Variants in KCNMA1 observed in about 807,000 individuals in gnomAD.
The protein encoded by KCNMA1 is potassium calcium-activated channel subfamily M alpha 1, also known as Calcium-activated potassium channel subunit alpha-1.
In KCNMA1, 29 loss-of-function variants were observed where a neutral mutation model predicts 140.0. The ratio of observed to expected loss-of-function variants is 0.21; its 90% CI spans 0.15 to 0.28. KCNMA1 has a LOEUF of 0.28. KCNMA1 is among the 10% of genes least tolerant of loss of function. The pLI, the probability that KCNMA1 is intolerant of heterozygous loss-of-function variation, is 1.00. For missense variants in KCNMA1, 880 were observed against 1,602.2 expected, an observed-to-expected ratio of 0.55 and a Z score of 7.70; for synonymous variants, 612 against 611.9, an observed-to-expected ratio of 1.00 and a Z score of 0.00.
intron 1 of KCNMA1, among the ~76,000 whole-genome samples, chr10:77,414,817 A>G (rs1214120852): frequency 6.6e-6 from 1 of 152,178 alleles, no homozygotes; most frequent in African/African-American, 2.4e-5. Context: ...TGAGGCTCAG[A>G]GAGATTGGGT....
chr10:77,185,849 A>T (rs1317198321), intron 3 of KCNMA1, among the ~76,000 whole-genome samples: 2 of 152,144 alleles, frequency 1.3e-5, no homozygotes, highest in Non-Finnish European at 2.9e-5. Context: ...ATGGAAATTC[A>T]CATAGTATTC....
At chr10:77,081,464 G>A (rs565516299) in intron 12 of KCNMA1, among the ~76,000 whole-genome samples, 8 of 152,248 alleles carry the variant, frequency 5.3e-5, no homozygotes, top group African/African-American at 1.7e-4. Context: ...CACCTCCTAA[G>A]CCTAATCAGA....
At chr10:77,352,616 T>C (rs1241832647) in intron 2 of KCNMA1, among the ~76,000 whole-genome samples, 4 of 141,828 alleles carry the variant, frequency 2.8e-5, no homozygotes, top group African/African-American at 1.1e-4. Flanking sequence ...GATCTTGCAG[T>C]ACAGGGTGTG....
chr10:76,946,261 G>C (rs965672796), intron 22 of KCNMA1, among the ~76,000 whole-genome samples: 1 of 152,130 alleles, frequency 6.6e-6, no homozygotes, highest in African/African-American at 2.4e-5. Context: ...TGGCCACGCG[G>C]CATCATTTTG....
intron 6 of KCNMA1, among the ~76,000 whole-genome samples, chr10:77,117,544 A>C (rs1406427266): frequency 6.8e-6 from 1 of 148,034 alleles, no homozygotes; most frequent in Non-Finnish European, 1.5e-5. Context: ...TATCTCAAAA[A>C]AAAAAAAAAA....
chr10:77,243,428 G>T (rs1018970840), intron 3 of KCNMA1, among the ~76,000 whole-genome samples: 2 of 152,208 alleles, frequency 1.3e-5, no homozygotes, highest in Non-Finnish European at 2.9e-5. Flanking sequence ...GTAGAGGACA[G>T]AAGTAACTAG....
At chr10:77,575,190 C>T (rs2154561756) in intron 1 of KCNMA1, among the ~76,000 whole-genome samples, 1 of 152,272 alleles carries the variant, frequency 6.6e-6, no homozygotes, top group Middle Eastern at 3.4e-3. Context: ...CCAACAGCCC[C>T]ACCGTTCCAA....
intron 19 of KCNMA1, among the ~76,000 whole-genome samples, chr10:76,984,729 GTGTA>G (rs769405735): frequency 7.7e-6 from 1 of 129,800 alleles, no homozygotes; most frequent in Non-Finnish European, 1.7e-5. Context: ...AGTATTGTGT[GTGTA>G]GTTACCTTTT....
In KCNMA1 at chr10:76,887,350, G is replaced by C; in HGVS notation, c.3627C>G (p.Ile1209Met). 1 of 1,614,154 alleles carries C rather than the reference G, an allele frequency of 6.2e-7. No homozygotes were observed. Among genetic ancestry groups the C allele is most frequent in the Non-Finnish European group, 8.5e-7 (1 of 1,180,026 alleles). Residue 1209 changes from isoleucine to methionine, a missense_variant, in exon 28 of 28, where the codon ATC (isoleucine) becomes ATG (methionine). This residue lies in a region of KCNMA1 where 115 missense variants were observed against 139.9 expected (regional missense o/e 0.82). Coordinates refer to ENST00000286628, the MANE Select transcript of KCNMA1 (RefSeq NM_001161352.2). ...SSKKSSSVHS[I>M]PSTANRQNRP... ...GGTTCTGTCGGTTTGCTGTGGATGGGATGGAGTGAACAGAGGAGCTCTTCT... is the reference window on the plus strand; with the variant it reads ...GGTTCTGTCGGTTTGCTGTGGATGGCATGGAGTGAACAGAGGAGCTCTTCT...
chr10:77,306,474 GTTTGCTGC>G (rs2077760014), intron 2 of KCNMA1, among the ~76,000 whole-genome samples: 1 of 152,218 alleles, frequency 6.6e-6, no homozygotes, highest in African/African-American at 2.4e-5. Context: ...GAGCCCAGCT[GTTTGCTGC>G]TGTTGCAGTT....
intron 5 of KCNMA1, chr10:77,140,504 T>A (rs2098140892): frequency 6.6e-6 from 1 of 152,640 alleles, no homozygotes; most frequent in South Asian, 2.1e-4. Context: ...CTGGGGATCA[T>A]GGTAGAAGGA....
intron 5 of KCNMA1, among the ~76,000 whole-genome samples, chr10:77,134,312 G>A (rs1040235796): frequency 6.6e-6 from 1 of 151,802 alleles, no homozygotes; most frequent in Non-Finnish European, 1.5e-5. Context: ...GATACAATAA[G>A]GATAAATTCT....
intron 1 of KCNMA1, among the ~76,000 whole-genome samples, chr10:77,476,449 C>T (rs1054548576): frequency 3.3e-5 from 5 of 152,098 alleles, no homozygotes; most frequent in Non-Finnish European, 7.3e-5. Flanking sequence ...ATTGGTGCTT[C>T]CCGCTCCCTA....
intron 2 of KCNMA1, among the ~76,000 whole-genome samples, chr10:77,378,952 G>A (rs1389364162): frequency 1.3e-5 from 2 of 152,096 alleles, no homozygotes; most frequent in African/African-American, 4.8e-5. Context: ...CTCATTCCAT[G>A]GCCCCTACAT....
At chr10:77,100,658 C>T (rs552901457) in intron 9 of KCNMA1, among the ~76,000 whole-genome samples, 1 of 152,272 alleles carries the variant, frequency 6.6e-6, no homozygotes, top group Admixed American at 6.5e-5. Flanking sequence ...CTACCAGGAA[C>T]CATTTTGCAC....
chr10:77,392,606 T>C (rs1488627284), intron 2 of KCNMA1, among the ~76,000 whole-genome samples: 1 of 152,212 alleles, frequency 6.6e-6, no homozygotes, highest in Non-Finnish European at 1.5e-5. Flanking sequence ...GTCCAGCACA[T>C]TGAACAGTAT....
intron 23 of KCNMA1, among the ~76,000 whole-genome samples, chr10:76,937,927 TTG>T (rs34510105): frequency 4.3e-3 from 644 of 150,030 alleles, no homozygotes; most frequent in African/African-American, 0.013. Flanking sequence ...GTGTGTGTGT[TTG>T]TGTGTGTGTG....
intron 2 of KCNMA1, among the ~76,000 whole-genome samples, chr10:77,379,916 T>A (rs2095322018): frequency 1.3e-5 from 2 of 152,090 alleles, no homozygotes; most frequent in South Asian, 4.2e-4. Flanking sequence ...CCACGTCAGT[T>A]TCCTCCCCTA....
intron 13 of KCNMA1, among the ~76,000 whole-genome samples, 196 bp from the exon 14 acceptor site, chr10:77,073,448 C>T (rs886551373): frequency 6.6e-6 from 1 of 152,126 alleles, no homozygotes; most frequent in African/African-American, 2.4e-5. Flanking sequence ...TGGACTGTTG[C>T]TTCTGCACCC....
Sources: gnomAD v4.1 joint callset for allele counts (sites outside exome capture counted in the v4.1 genomes callset) on GRCh38, gnomAD v4.1.1 for gene constraint, gnomAD v4.1.1 regional missense constraint, MANE v1.5 for transcripts, NCBI Gene and HGNC (gene_info 2026-07-23, HGNC 2026-07-21) for gene names.